Variants in CDH13 observed in about 807,000 individuals in gnomAD.
CDH13 encodes cadherin-13.
Under a neutral mutation model 63.8 loss-of-function variants are expected in CDH13, and 24 were observed. The observed-to-expected ratio is 0.38, with a 90% CI of 0.27 to 0.53. The LOEUF (loss-of-function observed/expected upper bound fraction) is 0.53. Among genes scored for constraint, CDH13 ranks in the 20% least tolerant of loss-of-function variants. The probability of loss-of-function intolerance (pLI) is 0.85; values close to 1 mark genes in which losing one functional copy is unlikely to be tolerated. For synonymous variants in CDH13, 503 were observed against 355.3 expected, an observed-to-expected ratio of 1.42 and a Z score of -4.67; for missense variants, 1,049 against 903.1, an observed-to-expected ratio of 1.16 and a Z score of -2.07.
intron 7 of CDH13, among the ~76,000 whole-genome samples, chr16:83,528,809 A>C (rs1168568421): frequency 6.6e-6 from 1 of 152,192 alleles, no homozygotes; most frequent in Non-Finnish European, 1.5e-5. Flanking sequence ...CATTGGTTGT[A>C]GTCAAGAGAG....
intron 4 of CDH13, among the ~76,000 whole-genome samples, chr16:83,130,690 T>C (rs2036005280): frequency 6.6e-6 from 1 of 152,196 alleles, no homozygotes; most frequent in South Asian, 2.1e-4. Context: ...TAACTAAATA[T>C]AAAATTATCA....
intron 10 of CDH13, among the ~76,000 whole-genome samples, chr16:83,701,794 C>G (rs1379101341): frequency 6.6e-6 from 1 of 152,174 alleles, no homozygotes; most frequent in Non-Finnish European, 1.5e-5. Flanking sequence ...GCACATCAGC[C>G]CTTCTCTGTG....
At chr16:83,019,338 G>T (rs1471148626) in intron 2 of CDH13, among the ~76,000 whole-genome samples, 1 of 152,084 alleles carries the variant, frequency 6.6e-6, no homozygotes, top group African/African-American at 2.4e-5. Context: ...CACAAGGTCA[G>T]AATCATGAAT....
chr16:83,379,938 T>TATATAGAGAGAGAGAGAGAGAGAGAG, intron 6 of CDH13, among the ~76,000 whole-genome samples: 77 of 123,446 alleles, frequency 6.2e-4, no homozygotes, highest in South Asian at 1.9e-3. Context: ...TATATATATA[T>TATATAGAGAGAGAGAGAGAGAGAGAG]AGAGAGAGAG....
At chr16:82,642,467 T>C (rs1209267821) in intron 1 of CDH13, among the ~76,000 whole-genome samples, 1 of 152,240 alleles carries the variant, frequency 6.6e-6, no homozygotes, top group Non-Finnish European at 1.5e-5. Context: ...TAGCATTTAA[T>C]TGCAGTATTT....
chr16:82,833,790 A>C (rs950406422), intron 1 of CDH13, among the ~76,000 whole-genome samples: 5 of 152,200 alleles, frequency 3.3e-5, no homozygotes, highest in African/African-American at 4.8e-5. Flanking sequence ...TCCACAGTAC[A>C]GCAGCTACTG....
intron 5 of CDH13, among the ~76,000 whole-genome samples, chr16:83,232,545 C>CAACAAAAA (rs1164619286): frequency 9.3e-6 from 1 of 107,958 alleles, no homozygotes. Flanking sequence ...ACAACAACAA[C>CAACAAAAA]AAACAAACAA....
At chr16:83,553,842 C>G (rs1233558730) in intron 7 of CDH13, among the ~76,000 whole-genome samples, 1 of 152,366 alleles carries the variant, frequency 6.6e-6, no homozygotes, top group African/African-American at 2.4e-5. Flanking sequence ...CAGGCGTGAG[C>G]CACCACACCC....
rs374389880 is a variant in CDH13, at chr16:83,534,565, G to A, written c.960+47910G>A. On this transcript the variant is annotated intron_variant, in intron 7 of 13. Transcript: ENST00000567109. ...TTGACTCAGGTGATGCCTGTCTTTT[G>A]TGGCCTTTTGCGATTGGCCCCTGTC... Among the ~76,000 whole-genome samples, 61 of 152,302 alleles carry A rather than the reference G, an allele frequency of 4.0e-4. No homozygotes were observed. In the South Asian group the frequency reaches 0.011, roughly 28 times the overall value.
At chr16:83,462,034 G>A (rs1196585820) in intron 6 of CDH13, among the ~76,000 whole-genome samples, 1 of 152,220 alleles carries the variant, frequency 6.6e-6, no homozygotes, top group Admixed American at 6.5e-5. Context: ...TGGCTCTCAT[G>A]AGTCTATAAG....
At chr16:83,137,779 C>G (rs571160447) in intron 4 of CDH13, among the ~76,000 whole-genome samples, 3 of 152,230 alleles carry the variant, frequency 2.0e-5, no homozygotes, top group East Asian at 3.9e-4. Context: ...GGTCCAATTA[C>G]TGGTCCAATT....
chr16:83,660,305 G>A (rs961084162), intron 8 of CDH13, among the ~76,000 whole-genome samples: 6 of 152,236 alleles, frequency 3.9e-5, no homozygotes, highest in South Asian at 2.1e-4. Flanking sequence ...GCAACTAGAC[G>A]GTTCCATCTG....
At chr16:83,359,872 C>T (rs186549893) in intron 6 of CDH13, among the ~76,000 whole-genome samples, 4 of 152,266 alleles carry the variant, frequency 2.6e-5, no homozygotes, top group African/African-American at 9.6e-5. Flanking sequence ...CAGAATTGTG[C>T]GATCATTGCC....
At chr16:82,920,883 C>G (rs538362763) in intron 2 of CDH13, among the ~76,000 whole-genome samples, 10 of 152,258 alleles carry the variant, frequency 6.6e-5, no homozygotes, top group African/African-American at 1.9e-4. Context: ...CAGATGTGCT[C>G]TTTATCATAT....
At chr16:83,549,286 T>A (rs1021024279) in intron 7 of CDH13, among the ~76,000 whole-genome samples, 2 of 152,226 alleles carry the variant, frequency 1.3e-5, no homozygotes, top group African/African-American at 4.8e-5. Flanking sequence ...CACCTCTCTG[T>A]GCTTCACCCC....
intron 2 of CDH13, among the ~76,000 whole-genome samples, chr16:82,875,487 A>G (rs867258884): frequency 6.6e-6 from 1 of 152,238 alleles, no homozygotes; most frequent in Non-Finnish European, 1.5e-5. Context: ...GAGAAGTTCC[A>G]TGGGCTTAAG....
intron 1 of CDH13, among the ~76,000 whole-genome samples, chr16:82,807,870 T>G (rs75433752): frequency 0.088 from 13,350 of 152,298 alleles, 801 homozygotes; most frequent in Admixed American, 0.14. Flanking sequence ...CTTCCATACT[T>G]AAGACACAAT....
intron 5 of CDH13, among the ~76,000 whole-genome samples, chr16:83,238,222 T>TA (rs1226557728): frequency 2.1e-5 from 1 of 48,698 alleles, no homozygotes; most frequent in Non-Finnish European, 5.5e-5. Context: ...GGTAATTCAT[T>TA]TAAAAAAAAA....
intron 6 of CDH13, among the ~76,000 whole-genome samples, chr16:83,454,182 A>G (rs1451032562): frequency 6.6e-6 from 1 of 152,192 alleles, no homozygotes; most frequent in East Asian, 1.9e-4. Flanking sequence ...GTGATGACTC[A>G]CCTCAGAAAA....
Sources: gnomAD v4.1 joint callset for allele counts (sites outside exome capture counted in the v4.1 genomes callset) on GRCh38, gnomAD v4.1.1 for gene constraint, MANE v1.5 for transcripts, NCBI Gene and HGNC (gene_info 2026-07-23, HGNC 2026-07-21) for gene names.